The following IGF1R variants were observed in gnomAD, a reference collection of about 807,000 sequenced individuals.
The protein encoded by IGF1R is insulin-like growth factor 1 receptor.
In IGF1R, 44 loss-of-function variants were observed where a neutral mutation model predicts 144.6. That is an observed-to-expected ratio of 0.30 (90% CI 0.24 to 0.39). The LOEUF is 0.39. Among genes scored for constraint, IGF1R ranks in the 10% least tolerant of loss-of-function variants. The pLI is 1.00. For synonymous variants in IGF1R, 795 were observed against 722.8 expected, an observed-to-expected ratio of 1.10 and a Z score of -1.60; for missense variants, 1,355 against 1,833.7, an observed-to-expected ratio of 0.74 and a Z score of 4.77.
chr15:98,921,755 C>G (rs2015498692), intron 10 of IGF1R, among the ~76,000 whole-genome samples: 1 of 152,174 alleles, frequency 6.6e-6, no homozygotes, highest in Non-Finnish European at 1.5e-5. Context: ...CCCTCCTGCC[C>G]TAATAAATCT....
At chr15:98,914,023 A>G (rs897542858) in intron 8 of IGF1R, among the ~76,000 whole-genome samples, 1 of 152,240 alleles carries the variant, frequency 6.6e-6, no homozygotes, top group Admixed American at 6.5e-5. Context: ...AGAAGCCACA[A>G]AGTGCAAGAT....
At chr15:98,725,524 C>G (rs1349414837) in intron 2 of IGF1R, among the ~76,000 whole-genome samples, 1 of 152,178 alleles carries the variant, frequency 6.6e-6, no homozygotes, top group Admixed American at 6.5e-5. Flanking sequence ...AACCTCCAGG[C>G]AGCCTGTTGA....
At chr15:98,755,925 A>G (rs1567112856) in intron 2 of IGF1R, among the ~76,000 whole-genome samples, 1 of 152,122 alleles carries the variant, frequency 6.6e-6, no homozygotes, top group Non-Finnish European at 1.5e-5. Context: ...GCATGATATA[A>G]TTGTGAGCTT....
intron 10 of IGF1R, among the ~76,000 whole-genome samples, chr15:98,921,168 C>T (rs2015468698): frequency 6.6e-6 from 1 of 152,216 alleles, no homozygotes; most frequent in South Asian, 2.1e-4. Flanking sequence ...ACCATTCGTC[C>T]ATGGCTGACC....
At chr15:98,768,761 T>TAAAA (rs2055503936) in intron 2 of IGF1R, among the ~76,000 whole-genome samples, 3 of 3,306 alleles carry the variant, frequency 9.1e-4, no homozygotes, top group Admixed American at 5.6e-3. Context: ...CTACTAAAAA[T>TAAAA]ACAAAAAAAA....
At chr15:98,678,507 AAAAAG>A (rs999863338) in intron 1 of IGF1R, among the ~76,000 whole-genome samples, 2 of 152,084 alleles carry the variant, frequency 1.3e-5, no homozygotes, top group African/African-American at 4.8e-5. Context: ...AAAAAAAAAA[AAAAAG>A]AATAGTTTTT....
chr15:98,820,519 T>C (rs1329887623), intron 2 of IGF1R, among the ~76,000 whole-genome samples: 1 of 152,190 alleles, frequency 6.6e-6, no homozygotes, highest in African/African-American at 2.4e-5. Flanking sequence ...TGCTCCCAGG[T>C]GGGCAAGGCA....
chr15:98,777,263 G>T (rs574416691), intron 2 of IGF1R, among the ~76,000 whole-genome samples: 1 of 152,316 alleles, frequency 6.6e-6, no homozygotes, highest in South Asian at 2.1e-4. Flanking sequence ...ACTCAGTGTG[G>T]TTTGTTTTAA....
At chr15:98,916,220 G>C in intron 9 of IGF1R, 89 bp downstream of exon 9, 1 of 1,182,428 alleles carries the variant, frequency 8.5e-7, no homozygotes. Flanking sequence ...ACACGTATCA[G>C]ACAACAGTGT....
intron 2 of IGF1R, among the ~76,000 whole-genome samples, chr15:98,797,987 A>G (rs2056285971): frequency 6.6e-6 from 1 of 152,248 alleles, no homozygotes. Context: ...GAAGACGTGG[A>G]GAGGAACATG....
At position 98,960,677 on chromosome 15, in the gene IGF1R, C is replaced by G. The variant is rs1225820050; in HGVS notation, c.*3235C>G. 1 of 233,270 alleles carries G rather than the reference C, an allele frequency of 4.3e-6. No homozygotes were observed. The highest frequency in any genetic ancestry group is 2.2e-5 in the African/African-American group (1 of 45,348). 14.5% of individuals were successfully genotyped at this position (233,270 alleles called of 1,614,324 possible). ...GCATTCATTGAGCACAAAGGTGCAG[C>G]TGCAGCAGCAGCTGGAGAGCAAGAG... On this transcript the variant is annotated 3_prime_UTR_variant, in exon 21 of 21. Coordinates refer to ENST00000650285, the MANE Select transcript of IGF1R (RefSeq NM_000875.5).
chr15:98,928,446 G>C (rs1405129626), intron 13 of IGF1R, among the ~76,000 whole-genome samples: 1 of 152,192 alleles, frequency 6.6e-6, no homozygotes, highest in African/African-American at 2.4e-5. Flanking sequence ...ACGCGAATCT[G>C]ATCAGTTCAC....
rs563770348 is a variant in IGF1R at position 98,789,021 on chromosome 15, G to A, written c.640+80914G>A. Among the ~76,000 whole-genome samples, 3 of 152,210 alleles carry A rather than the reference G, an allele frequency of 2.0e-5. No individual in the cohort carries two copies. In the South Asian group the frequency reaches 6.2e-4, roughly 32 times the overall value. On this transcript the variant is annotated intron_variant, in intron 2 of 20. Transcript: ENST00000650285. ...TCATTTTGCAGTGGCTTGCGTGTGT[G>A]TATTTAGACTGTGCTTCTACAAAAA... is the stretch of plus-strand genomic sequence containing the variant.
intron 19 of IGF1R, among the ~76,000 whole-genome samples, chr15:98,944,082 T>C (rs145033013): frequency 8.7e-4 from 133 of 152,266 alleles, no homozygotes; most frequent in African/African-American, 3.1e-3. Context: ...CTCTGCATGG[T>C]GTTTAGAGAT....
intron 2 of IGF1R, among the ~76,000 whole-genome samples, chr15:98,792,333 C>G (rs1004004563): frequency 1.3e-5 from 2 of 152,188 alleles, no homozygotes; most frequent in Non-Finnish European, 2.9e-5. Context: ...TATTATATAA[C>G]TTAGCATTTA....
intron 2 of IGF1R, among the ~76,000 whole-genome samples, chr15:98,752,265 T>C (rs1187675822): frequency 1.3e-5 from 2 of 152,228 alleles, no homozygotes; most frequent in Admixed American, 6.5e-5. Flanking sequence ...CCAGGTCATT[T>C]TTCTATAAAA....
intron 1 of IGF1R, among the ~76,000 whole-genome samples, chr15:98,668,142 G>A (rs1466335433): frequency 6.6e-6 from 1 of 152,162 alleles, no homozygotes; most frequent in Non-Finnish European, 1.5e-5. Flanking sequence ...ACAGGGTGGA[G>A]AGAGCAAGGG....
chr15:98,931,296 G>C (rs1264763976), intron 15 of IGF1R, among the ~76,000 whole-genome samples: 2 of 152,180 alleles, frequency 1.3e-5, no homozygotes, highest in Non-Finnish European at 2.9e-5. Flanking sequence ...AAAAGTGTTT[G>C]CTGTCTTCTT....
chr15:98,748,947 T>C (rs533066610), intron 2 of IGF1R, among the ~76,000 whole-genome samples: 35 of 152,306 alleles, frequency 2.3e-4, no homozygotes, highest in South Asian at 1.0e-3. Context: ...CACTCACATA[T>C]TGCACGTGGA....
Sources: allele counts gnomAD v4.1 joint callset (sites outside exome capture counted in the v4.1 genomes callset), GRCh38; gene constraint gnomAD v4.1.1; transcripts MANE v1.5; gene names NCBI Gene and HGNC (gene_info 2026-07-23, HGNC 2026-07-21).